The following MOB3A variants were observed in gnomAD, a reference collection of about 807,000 sequenced individuals.
MOB3A encodes MOB LAK.
Under a neutral mutation model 17.8 loss-of-function variants are expected in MOB3A, and 17 were observed. The observed-to-expected ratio is 0.95, with a 90% CI of 0.65 to 1.43. The LOEUF (loss-of-function observed/expected upper bound fraction) is 1.43. Among genes scored for constraint, MOB3A ranks in the 40% most tolerant of loss-of-function variants. MOB3A has a pLI of 0.00. For missense variants in MOB3A, 333 were observed against 310.8 expected (o/e 1.07, Z -0.54); for synonymous variants, 124 against 133.2 (o/e 0.93, Z 0.48).
chr19:2,077,976 G>A (rs985683492), intron 3 of MOB3A, among the ~76,000 whole-genome samples, 164 bp downstream of exon 3: 1 of 152,002 alleles, frequency 6.6e-6, no homozygotes, highest in Admixed American at 6.6e-5. Flanking sequence ...GTAGAGATGG[G>A]ATCTTGCTAT....
At chr19:2,076,440 C>A (rs2017409423) in intron 4 of MOB3A, among the ~76,000 whole-genome samples, 1 of 152,132 alleles carries the variant, frequency 6.6e-6, no homozygotes, top group African/African-American at 2.4e-5. Context: ...TCAAAACAAA[C>A]AAAAACAAAC....
chr19:2,076,798 C>T lies in MOB3A; in HGVS notation c.624+13G>A. 4 of 1,612,726 alleles carry T rather than the reference C, an allele frequency of 2.5e-6. No individual in the cohort carries two copies. Among genetic ancestry groups the T allele is most frequent in the Non-Finnish European group, 3.4e-6 (4 of 1,179,766 alleles). ...CACCGTAACCGCACGCCCTCAGCCC[C>T]AAGCCCGCGCACCAGTGGCTCCAGC... On this transcript the variant is annotated intron_variant, in intron 4 of 4. Transcript: ENST00000357066.
chr19:2,089,848 G>A (rs2017593243), intron 1 of MOB3A, among the ~76,000 whole-genome samples: 1 of 151,490 alleles, frequency 6.6e-6, no homozygotes, highest in African/African-American at 2.4e-5. Context: ...AGTTTGTCCT[G>A]GGCACTGCAG....
At chr19:2,085,002 A>G (rs1366054414) in intron 2 of MOB3A, among the ~76,000 whole-genome samples, 173 bp downstream of exon 2, 2 of 151,730 alleles carry the variant, frequency 1.3e-5, no homozygotes, top group East Asian at 3.9e-4. Flanking sequence ...GGGATTACAG[A>G]CGTGAGCCAC....
intron 1 of MOB3A, chr19:2,085,772 T>C (rs1320192026): frequency 6.6e-6 from 1 of 151,954 alleles, no homozygotes; most frequent in Admixed American, 6.6e-5. Flanking sequence ...AAGACCATCC[T>C]GGCTAACTCG....
chr19:2,076,741 G>A (rs2017414109), intron 4 of MOB3A, 70 bp downstream of exon 4: 3 of 1,520,832 alleles, frequency 2.0e-6, no homozygotes, highest in Non-Finnish European at 2.7e-6. Context: ...TCCTGGCCCC[G>A]GAAGGGTTCC....
chr19:2,073,231 C>G lies in MOB3A; in HGVS notation c.*164G>C. ...CGAGACTGAGGAAGGCATCTGCCGT[C>G]CGGGGTTGGAGCTCCTGAGGACCAA... On this transcript the variant is annotated 3_prime_UTR_variant, in exon 5 of 5. Transcript: ENST00000357066. The G allele has an allele frequency of 1.3e-6, 1 of 765,620 alleles. No individual in the cohort carries two copies. Among genetic ancestry groups the G allele is most frequent in the Non-Finnish European group, 2.2e-6 (1 of 455,968 alleles). 47.4% of individuals were successfully genotyped at this position (765,620 alleles called of 1,614,324 possible). A position where few individuals can be genotyped will look rare whatever the true frequency, so the allele number is the denominator to read the frequency against.
chr19:2,084,925 T>C (rs966398080), intron 2 of MOB3A, among the ~76,000 whole-genome samples: 2 of 151,830 alleles, frequency 1.3e-5, no homozygotes, highest in African/African-American at 4.8e-5. Flanking sequence ...GGTTTCACCA[T>C]GTTGCCTAGG....
At chr19:2,090,833 T>C (rs2017605910) in intron 1 of MOB3A, among the ~76,000 whole-genome samples, 2 of 152,052 alleles carry the variant, frequency 1.3e-5, no homozygotes, top group Non-Finnish European at 2.9e-5. Flanking sequence ...TCAGCTAATT[T>C]TTGAATTTTT....
At chr19:2,079,116 T>A (rs1568252843) in intron 2 of MOB3A, among the ~76,000 whole-genome samples, 1 of 152,134 alleles carries the variant, frequency 6.6e-6, no homozygotes, top group Non-Finnish European at 1.5e-5. Flanking sequence ...GGGGGCCACC[T>A]CCTCAGTGGA....
At chr19:2,088,661 G>T (rs1233659436) in intron 1 of MOB3A, among the ~76,000 whole-genome samples, 1 of 152,012 alleles carries the variant, frequency 6.6e-6, no homozygotes, top group Non-Finnish European at 1.5e-5. Context: ...GTAGAGACAG[G>T]GTTTCACCAT....
intron 2 of MOB3A, among the ~76,000 whole-genome samples, chr19:2,083,558 C>T (rs182041469): frequency 1.3e-5 from 2 of 152,348 alleles, no homozygotes; most frequent in African/African-American, 2.4e-5. Context: ...CTAGATGGGG[C>T]GAGTGCAGGC....
chr19:2,081,059 G>A lies in MOB3A; in HGVS notation c.-119-2380C>T, dbSNP rs536114615. ...AGGTGGGAGGACTGTTTGAGCCCGG[G>A]AGTTCGAGGCTGCAGTGAGCCTCGA... On this transcript the variant is annotated intron_variant, in intron 2 of 4. Transcript: ENST00000357066. 4.5e-4 allele frequency among the ~76,000 whole-genome samples: 69 copies of A among 152,136 alleles called. 1 individual carries two copies. In the South Asian group the frequency reaches 0.014, roughly 31 times the overall value.
intron 2 of MOB3A, among the ~76,000 whole-genome samples, chr19:2,081,613 C>T (rs562981827): frequency 2.1e-5 from 3 of 144,546 alleles, no homozygotes; most frequent in Non-Finnish European, 3.0e-5. Flanking sequence ...AGGCCTGGCG[C>T]GGTGGCCCAC....
chr19:2,081,386 G>T (rs1049701400), intron 2 of MOB3A, among the ~76,000 whole-genome samples: 5 of 151,772 alleles, frequency 3.3e-5, no homozygotes, highest in Non-Finnish European at 2.9e-5. Context: ...TCGGGAATTC[G>T]AGATCAGCCT....
chr19:2,075,999 T>G (rs1250750802), intron 4 of MOB3A, among the ~76,000 whole-genome samples: 1 of 151,892 alleles, frequency 6.6e-6, no homozygotes, highest in Non-Finnish European at 1.5e-5. Context: ...GGCACGTGCC[T>G]GTAATCCCAG....
chr19:2,073,370 G>A lies in MOB3A; in HGVS notation c.*25C>T, dbSNP rs780795210. The stretch of plus-strand genomic sequence containing the variant: ...GTCTCCGAGGCCCCAGCGGCGGTTC[G>A]GGCACCGGGAGACCCGCGGGGCTCT... On this transcript the variant is annotated 3_prime_UTR_variant, in exon 5 of 5. Coordinates refer to ENST00000357066, the MANE Select transcript of MOB3A (RefSeq NM_130807.3). 21 of 1,612,758 alleles carry A rather than the reference G, an allele frequency of 1.3e-5. No homozygotes were observed. The highest frequency in any genetic ancestry group is 1.0e-4 in the Admixed American group (6 of 59,980).
chr19:2,071,156 C>T lies in MOB3A; in HGVS notation c.*2239G>A, dbSNP rs1456450390. On this transcript the variant is annotated 3_prime_UTR_variant, in exon 5 of 5. Coordinates refer to ENST00000357066, the MANE Select transcript of MOB3A (RefSeq NM_130807.3). Reference sequence around the variant, plus strand: ...CCCTGCTCCCACCTCCCCGAGCCCACCTGGGAAGCTGCGTGGCCGGGCTGC... The same window carrying T: ...CCCTGCTCCCACCTCCCCGAGCCCATCTGGGAAGCTGCGTGGCCGGGCTGC... 6.6e-6 allele frequency: 1 copy of T among 152,138 alleles called. No individual in the cohort carries two copies. Among genetic ancestry groups the T allele is most frequent in the African/African-American group, 2.4e-5 (1 of 41,432 alleles). The allele number at this position is 152,138 out of a possible 1,614,324, so 9.4% of individuals were successfully genotyped here.
chr19:2,084,740 G>A (rs1437031246), intron 2 of MOB3A, among the ~76,000 whole-genome samples: 3 of 151,926 alleles, frequency 2.0e-5, no homozygotes, highest in African/African-American at 4.8e-5. Context: ...ACAGGCGCCC[G>A]CCACCACACC....
Sources: gnomAD v4.1 joint callset for allele counts (sites outside exome capture counted in the v4.1 genomes callset) on GRCh38, gnomAD v4.1.1 for gene constraint, MANE v1.5 for transcripts, NCBI Gene and HGNC (gene_info 2026-07-23, HGNC 2026-07-21) for gene names.